Variants in IZUMO3 observed in about 807,000 individuals in gnomAD.
The protein encoded by IZUMO3 is izumo sperm-egg fusion protein 3.
IZUMO3 carries 36 observed loss-of-function variants against 28.4 expected under a neutral mutation model. The ratio of observed to expected loss-of-function variants is 1.27; its 90% confidence interval spans 0.97 to 1.67. IZUMO3 has a LOEUF of 1.67. Among genes scored for constraint, IZUMO3 ranks in the 40% most tolerant of loss-of-function variants. The pLI, the probability that IZUMO3 is intolerant of heterozygous loss-of-function variation, is 0.00. For synonymous variants in IZUMO3, 126 were observed against 99.2 expected, an observed-to-expected ratio of 1.27 and a Z score of -1.61; for missense variants, 387 against 278.5, an observed-to-expected ratio of 1.39 and a Z score of -2.77.
intron 4 of IZUMO3, 45 bp from the exon 5 acceptor site, chr9:24,544,326 C>A: frequency 2.2e-6 from 3 of 1,350,914 alleles, no homozygotes; most frequent in Non-Finnish European, 2.1e-6. Flanking sequence ...GGGCATGGCA[C>A]GAGGGTTCCT....
Position 24,543,854 on chromosome 9 carries a change from C to G in IZUMO3, c.491-100G>C. 6.5e-6 allele frequency: 5 copies of G among 769,282 alleles called. No individual in the cohort carries two copies. In the Admixed American group the frequency reaches 1.0e-4, roughly 16 times the overall value. 47.7% of individuals were successfully genotyped at this position (769,282 alleles called of 1,614,324 possible). A position where few individuals can be genotyped will look rare whatever the true frequency, so the allele number is the denominator to read the frequency against. ...GAAAACTCTTTTAACCTCAGTTTGC[C>G]CTGTTTACTACTTCATCACTGTTCC... On this transcript the variant is annotated intron_variant, in intron 5 of 6. Transcript: ENST00000543880.
chr9:24,543,296 T>A lies in IZUMO3; in HGVS notation c.653A>T (p.Lys218Met). 6.5e-7 allele frequency: 1 copy of A among 1,549,018 alleles called. No individual in the cohort carries two copies. The highest frequency in any genetic ancestry group is 8.7e-7 in the Non-Finnish European group (1 of 1,146,006). Reference protein sequence around the residue: ...IRRSLKEYVEKKLEELMGKID... With the variant: ...IRRSLKEYVEMKLEELMGKID... ...CTTCCCCATTAATTCTTCAAGTTTCTTCTCCACATATTCCTTTAGCGACCT... is the reference window on the plus strand; with the variant it reads ...CTTCCCCATTAATTCTTCAAGTTTCATCTCCACATATTCCTTTAGCGACCT... The change falls in exon 7 of 7, where the codon AAG (lysine) becomes ATG (methionine). Residue 218 changes from lysine to methionine, a missense_variant. Transcript: ENST00000543880.
intron 6 of IZUMO3, 24 bp from the exon 7 acceptor site, chr9:24,543,391 T>G: frequency 2.2e-6 from 3 of 1,394,188 alleles, no homozygotes; most frequent in Non-Finnish European, 2.9e-6. Flanking sequence ...AGAAAATAAT[T>G]CCAACTTCAA....
chr9:24,543,750 C>G lies in IZUMO3; in HGVS notation c.495G>C (p.Glu165Asp). 1.3e-6 allele frequency: 2 copies of G among 1,544,868 alleles called. No homozygotes were observed. The highest frequency in any genetic ancestry group is 8.8e-7 in the Non-Finnish European group (1 of 1,142,204). The change falls in exon 6 of 7, where the codon GAG becomes GAC. Residue 165 changes from glutamate (E) to aspartate (D), a missense_variant. By Grantham distance (45) the Glu-to-Asp change is conservative. Transcript: ENST00000543880. ...CTCGATTCTCAGCCTTTCTTGGATCCTCGTCTGGAAGGAGAAACAGGAAAA... is the reference window on the plus strand; with the variant it reads ...CTCGATTCTCAGCCTTTCTTGGATCGTCGTCTGGAAGGAGAAACAGGAAAA... Reference protein sequence around the residue: ...RCFKGEYCGDEDPRKAENREI... With the variant: ...RCFKGEYCGDDDPRKAENREI...
rs1458524894 is a variant in IZUMO3, at chr9:24,545,062, C to A, written c.302-1G>T. The A allele has an allele frequency of 6.5e-7, 1 of 1,545,576 alleles. No homozygotes were observed. The highest frequency in any genetic ancestry group is 8.8e-7 in the Non-Finnish European group (1 of 1,142,342). ...AGCTTGCCTTGATAGATAAAGACAC[C>A]TAAGAGGGAGTGGAAGGGGTGTCAA... is the stretch of plus-strand genomic sequence containing the variant. On this transcript the variant is annotated splice_acceptor_variant, in intron 2 of 6. Transcript: ENST00000543880. LOFTEE classifies it high-confidence loss of function.
rs907464085 is a variant in IZUMO3 at position 24,545,809 on chromosome 9, T to A, written c.-160A>T. 8.4e-6 allele frequency: 13 copies of A among 1,543,940 alleles called. No homozygotes were observed. Among genetic ancestry groups the A allele is most frequent in the African/African-American group, 1.4e-5 (1 of 72,730 alleles). On this transcript the variant is annotated 5_prime_UTR_variant, in exon 1 of 7. Transcript: ENST00000543880. ...CCACTATCGGGCAATCTTTAGTTGT[T>A]TAGTTTAATGATCTTTAGTTGTTTA...
At chr9:24,544,140 G>T (rs1228002587) in intron 5 of IZUMO3, 61 bp downstream of exon 5, 12 of 1,145,808 alleles carry the variant, frequency 1.0e-5, no homozygotes, top group Non-Finnish European at 1.4e-5. Context: ...GAATAAATCA[G>T]TGAGCAACCC....
chr9:24,542,995 G>T lies in IZUMO3; in HGVS notation c.*234C>A. 1 of 362,654 alleles carries T rather than the reference G, an allele frequency of 2.8e-6. No individual in the cohort carries two copies. The highest frequency in any genetic ancestry group is 4.9e-6 in the Non-Finnish European group (1 of 203,944). The allele number at this position is 362,654 out of a possible 1,614,324, so 22.5% of individuals were successfully genotyped here. ...CTATCCAGCATATTATCTTTCCTGTGCATTGCAACATACCAGCATTACTTT... is the reference window on the plus strand; with the variant it reads ...CTATCCAGCATATTATCTTTCCTGTTCATTGCAACATACCAGCATTACTTT... On this transcript the variant is annotated 3_prime_UTR_variant, in exon 7 of 7. Transcript: ENST00000543880.
chr9:24,543,810 G>A (rs748249325), intron 5 of IZUMO3, 56 bp from the exon 6 acceptor site: 1 of 1,140,172 alleles, frequency 8.8e-7, no homozygotes, highest in Non-Finnish European at 1.3e-6. Flanking sequence ...GAAATAGCTT[G>A]TGACATTTAT....
intron 5 of IZUMO3, 34 bp downstream of exon 5, chr9:24,544,167 T>A: frequency 7.1e-7 from 1 of 1,411,534 alleles, no homozygotes; most frequent in Non-Finnish European, 9.8e-7. Context: ...TTAATCCCTG[T>A]CCCTTCAAAA....
Position 24,545,601 on chromosome 9 carries a change from C to T in IZUMO3, c.49G>A (p.Gly17Arg), listed in dbSNP as rs1431863229. 2.6e-6 allele frequency: 4 copies of T among 1,535,266 alleles called. No individual in the cohort carries two copies. The highest frequency in any genetic ancestry group is 2.6e-6 in the Non-Finnish European group (3 of 1,146,706). The stretch of plus-strand genomic sequence containing the variant: ...TCACATTCTAAACAGCCTTTGACTC[C>T]ATGGAAGGCTGAGAGGGGCAGGAGC... ...FLLLPLSAFH[G>R]VKGCLECDPK... Residue 17 changes from glycine to arginine, a missense_variant, in exon 1 of 7, where the codon GGA becomes AGA. Transcript: ENST00000543880.
Position 24,543,441 on chromosome 9 carries a change from T to G in IZUMO3, c.582-74A>C, listed in dbSNP as rs866415546. On this transcript the variant is annotated intron_variant, in intron 6 of 6. Transcript: ENST00000543880. ...TTCTTTAAGCCAGTTATACATTGTT[T>G]TTTTTTTTTTTTTTTTTTTTTTTTT... is the stretch of plus-strand genomic sequence containing the variant. The G allele has an allele frequency of 7.9e-5, 46 of 582,830 alleles. No individual in the cohort carries two copies. The Middle Eastern group carries it at 1.4e-3, about 18-fold the overall frequency. The allele number at this position is 582,830 out of a possible 1,614,324, so 36.1% of individuals were successfully genotyped here.
Position 24,544,616 on chromosome 9 carries a change from C to G in IZUMO3, c.409+127G>C, listed in dbSNP as rs138058181. On this transcript the variant is annotated intron_variant, in intron 4 of 6. Coordinates refer to ENST00000543880, the MANE Select transcript of IZUMO3 (RefSeq NM_001365008.2). The stretch of plus-strand genomic sequence containing the variant: ...CGTTATCAGGTATTGTTGACGTTAC[C>G]CCTTGTAACCACAGCTCTAGGAATT... 437 of 793,074 alleles carry G rather than the reference C, an allele frequency of 5.5e-4. 3 individuals carry two copies. In the African/African-American group the frequency reaches 6.6e-3, roughly 12 times the overall value. 49.1% of individuals were successfully genotyped at this position (793,074 alleles called of 1,614,324 possible).
rs780378599 is a variant in IZUMO3 at position 24,544,999 on chromosome 9, C to T, written c.364G>A (p.Glu122Lys). The change falls in exon 3 of 7, where the codon GAA becomes AAA. Residue 122 changes from glutamate to lysine, a missense_variant. Glu to Lys is a moderately conservative substitution (Grantham distance 56). Transcript: ENST00000543880. Reference protein sequence around the residue: ...VCQNLESKLKELLKNFSEIAC... With the variant: ...VCQNLESKLKKLLKNFSEIAC... ...ATTTCAGAGAAGTTCTTTAGTAATTCTTTCAGTTTGGATTCCAGGTTTTGG... is the reference window on the plus strand; with the variant it reads ...ATTTCAGAGAAGTTCTTTAGTAATTTTTTCAGTTTGGATTCCAGGTTTTGG... 42 of 1,550,272 alleles carry T rather than the reference C, an allele frequency of 2.7e-5. No homozygotes were observed. The highest frequency in any genetic ancestry group is 6.0e-5 in the South Asian group (5 of 84,028).
rs1819514823 is a variant in IZUMO3, at chr9:24,543,707, T to C, written c.538A>G (p.Ile180Val). The C allele has an allele frequency of 1.9e-6, 3 of 1,549,582 alleles. No individual in the cohort carries two copies. Among genetic ancestry groups the C allele is most frequent in the African/African-American group, 1.4e-5 (1 of 73,126 alleles). Residue 180 changes from isoleucine to valine, a missense_variant, in exon 6 of 7, where the codon ATA becomes GTA. Transcript: ENST00000543880. ...AGTATTACAGCTGTTGCCAGCAATA[T>C]GAGAAATAGAGCAATCTCTCGATTC... The part of the protein sequence containing the change: ...AENREIALFL[I>V]LLATAVILGS...
intron 2 of IZUMO3, 64 bp downstream of exon 2, chr9:24,545,148 C>T (rs767917535): frequency 1.3e-6 from 2 of 1,512,558 alleles, no homozygotes; most frequent in African/African-American, 2.8e-5. Flanking sequence ...TTTGTTTTCC[C>T]CAGCCAAATT....
At chr9:24,544,890 G>C (rs1819549925) in intron 3 of IZUMO3, 82 bp downstream of exon 3, 1 of 1,330,592 alleles carries the variant, frequency 7.5e-7, no homozygotes, top group African/African-American at 1.5e-5. Flanking sequence ...ACTCTATTAT[G>C]AACTTGCATT....
chr9:24,545,342 T>C, intron 1 of IZUMO3, 56 bp from the exon 2 acceptor site: 3 of 1,546,910 alleles, frequency 1.9e-6, no homozygotes, highest in East Asian at 2.4e-5. Flanking sequence ...ATGCAGGAAG[T>C]TATGTAGACC....
Position 24,544,611 on chromosome 9 carries a change from G to C in IZUMO3, c.409+132C>G, listed in dbSNP as rs1013729240. On this transcript the variant is annotated intron_variant, in intron 4 of 6. Transcript: ENST00000543880. ...GGTTTCGTTATCAGGTATTGTTGAC[G>C]TTACCCCTTGTAACCACAGCTCTAG... 3.9e-6 allele frequency: 3 copies of C among 778,342 alleles called. No homozygotes were observed. The African/African-American group carries it at 5.3e-5, about 14-fold the overall frequency. 48.2% of individuals were successfully genotyped at this position (778,342 alleles called of 1,614,324 possible).
Sources: gnomAD v4.1 joint callset for allele counts on GRCh38, gnomAD v4.1.1 for gene constraint, MANE v1.5 for transcripts, NCBI Gene and HGNC (gene_info 2026-07-23, HGNC 2026-07-21) for gene names.